DCC: variants seen among roughly 807,000 people sequenced by gnomAD.
The protein encoded by DCC is netrin receptor DCC.
Under a neutral mutation model 172.5 loss-of-function variants are expected in DCC, and 58 were observed. The observed-to-expected ratio is 0.34, with a 90% CI of 0.27 to 0.42. DCC has a LOEUF of 0.42. Ranked by LOEUF, DCC falls within the 10% of genes least tolerant of loss-of-function variation. The pLI, the probability that DCC is intolerant of heterozygous loss-of-function variation, is 1.00. For missense variants in DCC, 1,740 were observed against 1,791.0 expected (o/e 0.97, Z 0.51); for synonymous variants, 709 against 644.5 (o/e 1.10, Z -1.52).
At chr18:53,132,923 A>G (rs2043680325) in intron 7 of DCC, among the ~76,000 whole-genome samples, 1 of 152,210 alleles carries the variant, frequency 6.6e-6, no homozygotes, top group Admixed American at 6.5e-5. Flanking sequence ...TCATGTTTAC[A>G]AGCCATGAGT....
intron 1 of DCC, among the ~76,000 whole-genome samples, chr18:52,642,531 G>A (rs1343516882): frequency 9.2e-5 from 14 of 151,808 alleles, no homozygotes; most frequent in Non-Finnish European, 1.8e-4. Flanking sequence ...GCTGTCTTAA[G>A]ATTTTTTCCC....
At chr18:53,151,947 C>A (rs2054647948) in intron 7 of DCC, among the ~76,000 whole-genome samples, 1 of 151,952 alleles carries the variant, frequency 6.6e-6, no homozygotes. Context: ...TTATCCACTT[C>A]TTCATTTAGA....
intron 2 of DCC, among the ~76,000 whole-genome samples, chr18:52,860,907 G>T (rs557558261): frequency 6.6e-6 from 1 of 151,692 alleles, no homozygotes; most frequent in African/African-American, 2.4e-5. Flanking sequence ...TCAGGAGGCC[G>T]AGGCAGGAGA....
chr18:53,044,444 A>G (rs919719243), intron 5 of DCC, among the ~76,000 whole-genome samples: 7 of 151,738 alleles, frequency 4.6e-5, no homozygotes, highest in African/African-American at 1.7e-4. Context: ...GCTGATATAT[A>G]TGAACTGTGT....
rs148722952 is a variant in DCC, at chr18:53,035,925, T to C, written c.986-27380T>C. On this transcript the variant is annotated intron_variant, in intron 5 of 28. Transcript: ENST00000442544. ...CCTTAGAGCATTTAGTATTTCACTA[T>C]TACAAATAATACTTCAGTGAATATC... 3.5e-3 allele frequency among the ~76,000 whole-genome samples: 540 copies of C among 152,174 alleles called. 3 individuals are homozygous for C. The Middle Eastern group carries it at 0.041, about 12-fold the overall frequency.
At chr18:53,097,731 A>G (rs1287686957) in intron 7 of DCC, among the ~76,000 whole-genome samples, 2 of 152,134 alleles carry the variant, frequency 1.3e-5, no homozygotes, top group Non-Finnish European at 2.9e-5. Flanking sequence ...AAATTCATTT[A>G]CTGGTAAGGG....
At chr18:53,222,427 C>T (rs1362162875) in intron 12 of DCC, among the ~76,000 whole-genome samples, 1 of 143,542 alleles carries the variant, frequency 7.0e-6, no homozygotes, top group Non-Finnish European at 1.5e-5. Context: ...CTCTGTCACC[C>T]AGGCTGCAGT....
At chr18:52,593,344 C>G (rs1328670895) in intron 1 of DCC, among the ~76,000 whole-genome samples, 1 of 152,158 alleles carries the variant, frequency 6.6e-6, no homozygotes, top group East Asian at 1.9e-4. Context: ...CTACGTAAAA[C>G]TCCCTCAGCA....
intron 5 of DCC, among the ~76,000 whole-genome samples, chr18:52,961,130 G>T (rs1598972851): frequency 6.6e-6 from 1 of 152,068 alleles, no homozygotes; most frequent in Non-Finnish European, 1.5e-5. Context: ...GCCCGGTGTG[G>T]GGGCCTGTTG....
intron 2 of DCC, among the ~76,000 whole-genome samples, chr18:52,825,547 A>AT (rs1238638911): frequency 6.6e-6 from 1 of 152,120 alleles, no homozygotes; most frequent in African/African-American, 2.4e-5. Flanking sequence ...GAAATTACCT[A>AT]TTTTTTGTCT....
intron 5 of DCC, among the ~76,000 whole-genome samples, chr18:52,988,776 C>G (rs1017719848): frequency 3.3e-5 from 5 of 151,584 alleles, no homozygotes; most frequent in Non-Finnish European, 5.9e-5. Context: ...CTTGAAGGAG[C>G]CTTGGTTGAA....
chr18:52,568,554 A>G (rs1419534903), intron 1 of DCC, among the ~76,000 whole-genome samples: 1 of 152,188 alleles, frequency 6.6e-6, no homozygotes, highest in African/African-American at 2.4e-5. Context: ...GCTTGCTATT[A>G]TTATTTCTTC....
chr18:53,353,331 A>T (rs7235888), intron 15 of DCC, among the ~76,000 whole-genome samples: 51,097 of 151,524 alleles, frequency 0.34, 9,829 homozygotes, highest in East Asian at 0.58. Context: ...CTATTTTTTT[A>T]AAAAAACTAT....
chr18:52,629,717 G>C (rs1357681572), intron 1 of DCC, among the ~76,000 whole-genome samples: 1 of 151,988 alleles, frequency 6.6e-6, no homozygotes, highest in Admixed American at 6.6e-5. Context: ...TTGGGAGGCC[G>C]AGGCGGGCAG....
At chr18:52,983,963 A>AT (rs1337533625) in intron 5 of DCC, among the ~76,000 whole-genome samples, 1 of 152,056 alleles carries the variant, frequency 6.6e-6, no homozygotes, top group African/African-American at 2.4e-5. Context: ...AGCAAAGACG[A>AT]TTTTTCCAGT....
chr18:53,190,745 G>A (rs1219338190), intron 9 of DCC, among the ~76,000 whole-genome samples: 2 of 152,098 alleles, frequency 1.3e-5, no homozygotes, highest in Non-Finnish European at 2.9e-5. Flanking sequence ...AGGAGATGGA[G>A]ACTATCCTGG....
chr18:53,496,997 T>A (rs996077985), intron 26 of DCC, among the ~76,000 whole-genome samples: 1 of 152,258 alleles, frequency 6.6e-6, no homozygotes, highest in Non-Finnish European at 1.5e-5. Context: ...AACCAGTGTT[T>A]AAAATGTAAT....
chr18:53,058,295 T>C (rs1185607742), intron 5 of DCC, among the ~76,000 whole-genome samples: 1 of 152,114 alleles, frequency 6.6e-6, no homozygotes, highest in Non-Finnish European at 1.5e-5. Flanking sequence ...AAAAATAAGA[T>C]TTGAGCAGGG....
At chr18:52,495,046 C>A (rs2030687249) in intron 1 of DCC, among the ~76,000 whole-genome samples, 1 of 152,072 alleles carries the variant, frequency 6.6e-6, no homozygotes, top group Non-Finnish European at 1.5e-5. Context: ...ACCTTTGTTT[C>A]TAGGATGGAG....
Sources: gnomAD v4.1 joint callset for allele counts (sites outside exome capture counted in the v4.1 genomes callset) on GRCh38, gnomAD v4.1.1 for gene constraint, MANE v1.5 for transcripts, NCBI Gene and HGNC (gene_info 2026-07-23, HGNC 2026-07-21) for gene names.